The following DGKD variants were observed in gnomAD, a reference collection of about 807,000 sequenced individuals.
The protein encoded by DGKD is DAG kinase delta.
A neutral mutation model predicts 154.4 loss-of-function variants in DGKD; 68 were observed. The observed-to-expected ratio is 0.44, with a 90% CI of 0.36 to 0.54. DGKD has a LOEUF of 0.54. Ranked by LOEUF, DGKD falls within the 20% of genes least tolerant of loss-of-function variation. DGKD has a pLI of 0.00. For missense variants in DGKD, 1,343 were observed against 1,593.6 expected, an observed-to-expected ratio of 0.84 and a Z score of 2.68; for synonymous variants, 693 against 638.0, an observed-to-expected ratio of 1.09 and a Z score of -1.30.
intron 1 of DGKD, among the ~76,000 whole-genome samples, chr2:233,369,218 T>C (rs1270307136): frequency 6.6e-6 from 1 of 152,220 alleles, no homozygotes; most frequent in Non-Finnish European, 1.5e-5. Flanking sequence ...TCAGTATTTT[T>C]CCCTGTCCAC....
intron 7 of DGKD, among the ~76,000 whole-genome samples, chr2:233,436,740 T>C (rs1363714824): frequency 6.6e-6 from 1 of 152,254 alleles, no homozygotes; most frequent in Non-Finnish European, 1.5e-5. Flanking sequence ...CCTGGGACAA[T>C]TGAGCTGGCC....
intron 1 of DGKD, among the ~76,000 whole-genome samples, chr2:233,375,186 G>A (rs1702508137): frequency 2.6e-5 from 4 of 152,318 alleles, no homozygotes; most frequent in Admixed American, 2.6e-4. Context: ...AGCCACTTGG[G>A]AGGCTGAGGC....
At chr2:233,363,360 A>G (rs1701874038) in intron 1 of DGKD, among the ~76,000 whole-genome samples, 1 of 152,296 alleles carries the variant, frequency 6.6e-6, no homozygotes, top group Non-Finnish European at 1.5e-5. Context: ...TTAAAAATAG[A>G]AAAAAGGTTA....
intron 1 of DGKD, among the ~76,000 whole-genome samples, chr2:233,367,535 A>G (rs1702090045): frequency 1.3e-5 from 2 of 151,898 alleles, no homozygotes; most frequent in South Asian, 4.2e-4. Context: ...AGCTGTATTA[A>G]TGACTTTTAA....
rs759199568 is a variant in DGKD, at chr2:233,458,407, A to G, written c.2694+10A>G. The stretch of plus-strand genomic sequence containing the variant: ...TCATCGGATCGCCCAGGTAGTGGCC[A>G]TGGTCCTGGGGTGTCTGGCCGAGTC... On this transcript the variant is annotated intron_variant, in intron 22 of 29. Coordinates refer to ENST00000264057, the MANE Select transcript of DGKD (RefSeq NM_152879.3). This position sits in a 1 kb window ranked among gnomAD's most constrained non-coding sequence, Gnocchi z 6.6. The G allele has an allele frequency of 2.0e-5, 32 of 1,599,894 alleles. No homozygotes were observed. Among genetic ancestry groups the G allele is most frequent in the Non-Finnish European group, 2.7e-5 (32 of 1,174,152 alleles).
At chr2:233,409,488 G>C (rs1035808852) in intron 3 of DGKD, among the ~76,000 whole-genome samples, 2 of 150,674 alleles carry the variant, frequency 1.3e-5, no homozygotes, top group Non-Finnish European at 3.0e-5. Context: ...GTGTGATTGA[G>C]CCAAGTTCCG....
intron 1 of DGKD, among the ~76,000 whole-genome samples, chr2:233,368,898 G>C (rs1702173283): frequency 6.6e-6 from 1 of 152,216 alleles, no homozygotes; most frequent in South Asian, 2.1e-4. Context: ...GGAGTTTCAG[G>C]TAGAAGGGAC....
intron 1 of DGKD, among the ~76,000 whole-genome samples, chr2:233,380,337 C>T (rs903918248): frequency 5.3e-5 from 8 of 152,128 alleles, no homozygotes; most frequent in South Asian, 2.1e-4. Context: ...GCTGACAGAG[C>T]GGGAGTGAAC....
chr2:233,390,391 G>A lies in DGKD; in HGVS notation c.268-12G>A. 1 of 1,612,658 alleles carries A rather than the reference G, an allele frequency of 6.2e-7. No homozygotes were observed. ...TTTATGTGCCTTAGTCCCTGTGTTTGTCTCTTTCTAGTCAATCATATTTGA... is the reference window on the plus strand; with the variant it reads ...TTTATGTGCCTTAGTCCCTGTGTTTATCTCTTTCTAGTCAATCATATTTGA... On this transcript the variant is annotated splice_polypyrimidine_tract_variant and intron_variant, in intron 2 of 29. Coordinates refer to ENST00000264057, the MANE Select transcript of DGKD (RefSeq NM_152879.3).
chr2:233,453,617 C>T (rs2063357877), intron 18 of DGKD, among the ~76,000 whole-genome samples: 1 of 152,254 alleles, frequency 6.6e-6, no homozygotes, highest in Admixed American at 6.5e-5. Context: ...AGCCCATCCA[C>T]CCATTGAGTT....
intron 1 of DGKD, among the ~76,000 whole-genome samples, chr2:233,358,486 A>G (rs912942812): frequency 6.6e-6 from 1 of 152,208 alleles, no homozygotes; most frequent in East Asian, 1.9e-4. Context: ...CATGGGATAC[A>G]GTTCAGTGGT....
chr2:233,459,919 G>C lies in DGKD; in HGVS notation c.2829+28G>C, dbSNP rs1352500115. 6.2e-7 allele frequency: 1 copy of C among 1,609,838 alleles called. No individual in the cohort carries two copies. The highest frequency in any genetic ancestry group is 1.3e-5 in the African/African-American group (1 of 74,986). On this transcript the variant is annotated intron_variant, in intron 23 of 29. Coordinates refer to ENST00000264057, the MANE Select transcript of DGKD (RefSeq NM_152879.3). The surrounding 1 kb of genome is among the most constrained non-coding windows in gnomAD (Gnocchi z 5.7). ...AAGAGCGGCTGCCCGCGGTACCTGG[G>C]TGGGGTACAGGGCTCACCTGTGGGC...
In DGKD at chr2:233,354,510, C is replaced by T. The variant is rs1026323521; in HGVS notation, c.-9C>T. ...CCCCCGCCCGCGGTGCGCGCGCTGG[C>T]CCGGCAGCATGGCGGCGGCGGCGGG... On this transcript the variant is annotated 5_prime_UTR_variant, in exon 1 of 30. Coordinates refer to ENST00000264057, the MANE Select transcript of DGKD (RefSeq NM_152879.3). This position sits in a 1 kb window ranked among gnomAD's most constrained non-coding sequence, Gnocchi z 4.8. 2.0e-6 allele frequency: 2 copies of T among 982,646 alleles called. No homozygotes were observed. The highest frequency in any genetic ancestry group is 2.4e-6 in the Non-Finnish European group (2 of 829,910). 60.9% of individuals were successfully genotyped at this position (982,646 alleles called of 1,614,324 possible). A position where few individuals can be genotyped will look rare whatever the true frequency, so the allele number is the denominator to read the frequency against.
intron 3 of DGKD, among the ~76,000 whole-genome samples, chr2:233,433,912 T>C (rs1398244384): frequency 6.6e-6 from 1 of 152,238 alleles, no homozygotes; most frequent in East Asian, 1.9e-4. Context: ...CATAGTCTGA[T>C]ATTGAGGTTT....
rs765656677 is a variant in DGKD at position 233,448,290 on chromosome 2, C to T, written c.1529C>T (p.Thr510Met). 12 of 1,613,934 alleles carry T rather than the reference C, an allele frequency of 7.4e-6. No homozygotes were observed. Among genetic ancestry groups the T allele is most frequent in the Admixed American group, 1.7e-5 (1 of 60,008 alleles). Reference protein sequence around the residue: ...VISSAKVLCETVKDFVARVGK... With the variant: ...VISSAKVLCEMVKDFVARVGK... ...TCTCCCCACAGAGTGCTCTGTGAGA[C>T]GGTGAAGGACTTCGTGGCACGGGTG... The change falls in exon 14 of 30, where the codon ACG becomes ATG. Residue 510 changes from threonine to methionine, a missense_variant. Around this residue, in one of 6 missense-constraint regions of DGKD, gnomAD observed 409 missense variants for 446.0 expected, o/e 0.92. Transcript: ENST00000264057.
intron 3 of DGKD, among the ~76,000 whole-genome samples, chr2:233,431,549 G>A (rs1349176131): frequency 1.3e-5 from 2 of 152,130 alleles, no homozygotes; most frequent in South Asian, 4.1e-4. Flanking sequence ...AAAATTGGAG[G>A]AATCACATTT....
chr2:233,378,915 T>A (rs1313304460), intron 1 of DGKD, among the ~76,000 whole-genome samples: 1 of 152,194 alleles, frequency 6.6e-6, no homozygotes, highest in African/African-American at 2.4e-5. Context: ...CCTGTAGTCC[T>A]AGCTACTTGG....
chr2:233,384,169 C>T, intron 1 of DGKD, among the ~76,000 whole-genome samples: 1 of 152,096 alleles, frequency 6.6e-6, no homozygotes, highest in East Asian at 1.9e-4. Flanking sequence ...TGGCTTCGAC[C>T]CCATCAGGCC....
At chr2:233,424,733 G>C (rs540810801) in intron 3 of DGKD, among the ~76,000 whole-genome samples, 7 of 152,318 alleles carry the variant, frequency 4.6e-5, no homozygotes, top group African/African-American at 1.7e-4. Context: ...CTGTGAGCAG[G>C]CCCCTCAGCC....
Sources: gnomAD v4.1 joint callset for allele counts (sites outside exome capture counted in the v4.1 genomes callset) on GRCh38, gnomAD v4.1.1 for gene constraint, gnomAD v4.1.1 regional missense constraint, Gnocchi (gnomAD v3.1) non-coding constraint, MANE v1.5 for transcripts, NCBI Gene and HGNC (gene_info 2026-07-23, HGNC 2026-07-21) for gene names.